The following CHRM5 variants were observed in gnomAD, a reference collection of about 807,000 sequenced individuals.
The protein encoded by CHRM5 is cholinergic receptor muscarinic 5.
A neutral mutation model predicts 39.0 loss-of-function variants in CHRM5; 18 were observed. That is an observed-to-expected ratio of 0.46 (90% CI 0.32 to 0.68). The LOEUF (loss-of-function observed/expected upper bound fraction) is 0.68. Among genes scored for constraint, CHRM5 ranks in the 30% least tolerant of loss-of-function variants. The pLI is 0.04. For missense variants in CHRM5, 515 were observed against 651.1 expected (o/e 0.79, Z 2.28); for synonymous variants, 241 against 246.3 (o/e 0.98, Z 0.20).
intron 2 of CHRM5, among the ~76,000 whole-genome samples, chr15:34,062,115 C>T (rs867508724): frequency 1.3e-5 from 2 of 152,152 alleles, no homozygotes; most frequent in African/African-American, 2.4e-5. Flanking sequence ...CACAAGAGGG[C>T]AGCAGCCTCA....
At chr15:34,042,668 G>T (rs999784077) in intron 1 of CHRM5, among the ~76,000 whole-genome samples, 1 of 151,920 alleles carries the variant, frequency 6.6e-6, no homozygotes, top group Non-Finnish European at 1.5e-5. Flanking sequence ...CTCCCAAAGT[G>T]CTGGGATTAC....
intron 1 of CHRM5, among the ~76,000 whole-genome samples, chr15:33,983,150 G>A (rs145391998): frequency 2.2e-4 from 23 of 104,138 alleles, no homozygotes; most frequent in Non-Finnish European, 3.2e-4. Flanking sequence ...GTGTGTGTGT[G>A]TGTGTGTGTA....
At chr15:34,051,171 T>C (rs556079915) in intron 2 of CHRM5, among the ~76,000 whole-genome samples, 91 of 152,212 alleles carry the variant, frequency 6.0e-4, no homozygotes, top group Non-Finnish European at 1.2e-3. Flanking sequence ...GCAATCAAAT[T>C]AGAACTCAAG....
intron 1 of CHRM5, among the ~76,000 whole-genome samples, 168 bp from the exon 2 acceptor site, chr15:34,046,371 AG>A (rs1351594628): frequency 6.6e-6 from 1 of 151,696 alleles, no homozygotes; most frequent in Non-Finnish European, 1.5e-5. Flanking sequence ...GAAAAAGAGA[AG>A]GCAGAAAATC....
chr15:34,044,303 A>T (rs60757549), intron 1 of CHRM5, among the ~76,000 whole-genome samples: 14,302 of 152,120 alleles, frequency 0.094, 874 homozygotes, highest in East Asian at 0.31. Context: ...TGTGATCTCC[A>T]TGTAACTAAA....
At chr15:33,977,396 A>G (rs1895931085) in intron 1 of CHRM5, among the ~76,000 whole-genome samples, 1 of 152,144 alleles carries the variant, frequency 6.6e-6, no homozygotes, top group Non-Finnish European at 1.5e-5. Flanking sequence ...ATCTCCTCCT[A>G]TACTCCCTTA....
At chr15:34,002,388 G>A (rs888525701) in intron 1 of CHRM5, among the ~76,000 whole-genome samples, 7 of 145,226 alleles carry the variant, frequency 4.8e-5, no homozygotes, top group South Asian at 2.4e-4. Context: ...AAACTCTTAC[G>A]CCACACCTCA....
Position 34,062,765 on chromosome 15 carries a change from A to C in CHRM5, c.48A>C (p.Pro16=). The change falls in exon 3 of 3, where the codon CCA becomes CCC. Residue 16 remains proline (P), a synonymous_variant. Coordinates refer to ENST00000383263, the MANE Select transcript of CHRM5 (RefSeq NM_012125.4). ...ATGCAACCACCGTCAATGGCACCCC[A>C]GTAAATCACCAGCCTTTGGAACGCC... ...YHNATTVNGT[P]VNHQPLERHR... is the part of the protein sequence containing the mutation. 6.2e-7 allele frequency: 1 copy of C among 1,614,040 alleles called. No individual in the cohort carries two copies. Among genetic ancestry groups the C allele is most frequent in the South Asian group, 1.1e-5 (1 of 91,062 alleles).
chr15:34,002,993 C>A, intron 1 of CHRM5: 1 of 1,511,562 alleles, frequency 6.6e-7, no homozygotes, highest in South Asian at 1.3e-5. Context: ...GTGCAACTTT[C>A]AGAGCACTAA....
chr15:34,018,685 G>C (rs1359801051), intron 1 of CHRM5, among the ~76,000 whole-genome samples: 4 of 152,208 alleles, frequency 2.6e-5, no homozygotes, highest in African/African-American at 9.6e-5. Flanking sequence ...CCAGTGGGTT[G>C]CTGCTGCTGG....
At chr15:34,039,599 G>A (rs942497493) in intron 1 of CHRM5, among the ~76,000 whole-genome samples, 4 of 152,166 alleles carry the variant, frequency 2.6e-5, no homozygotes, top group African/African-American at 9.7e-5. Context: ...AGGTGTGGAT[G>A]TAAAGACAAG....
intron 2 of CHRM5, among the ~76,000 whole-genome samples, chr15:34,059,486 C>T (rs1327484500): frequency 6.6e-6 from 1 of 152,180 alleles, no homozygotes; most frequent in Non-Finnish European, 1.5e-5. Flanking sequence ...GATGGGGAGT[C>T]TGGAAATAGC....
chr15:33,990,432 A>G (rs945640872), intron 1 of CHRM5, among the ~76,000 whole-genome samples: 10 of 152,200 alleles, frequency 6.6e-5, no homozygotes, highest in African/African-American at 2.4e-4. Context: ...TTGATGATGC[A>G]GCCAGTTGTC....
intron 1 of CHRM5, among the ~76,000 whole-genome samples, chr15:33,987,344 G>C (rs999102621): frequency 1.3e-5 from 2 of 152,110 alleles, no homozygotes; most frequent in African/African-American, 2.4e-5. Flanking sequence ...ATGCTGGCTT[G>C]CTTTTTATTT....
At chr15:34,032,941 A>G (rs943690075) in intron 1 of CHRM5, among the ~76,000 whole-genome samples, 1 of 152,240 alleles carries the variant, frequency 6.6e-6, no homozygotes, top group African/African-American at 2.4e-5. Flanking sequence ...CACTTGACAG[A>G]TTCTTAAAAT....
intron 2 of CHRM5, among the ~76,000 whole-genome samples, chr15:34,054,538 G>A (rs1900055831): frequency 6.6e-6 from 1 of 152,154 alleles, no homozygotes; most frequent in Admixed American, 6.6e-5. Context: ...GACATAGATG[G>A]AGTTGGAAGC....
intron 1 of CHRM5, among the ~76,000 whole-genome samples, chr15:34,001,108 C>A (rs1261348022): frequency 6.6e-6 from 1 of 151,476 alleles, no homozygotes; most frequent in Non-Finnish European, 1.5e-5. Flanking sequence ...ACAACCCCCA[C>A]CTCCCAGGCT....
intron 1 of CHRM5, among the ~76,000 whole-genome samples, chr15:33,987,719 C>G (rs1896539033): frequency 6.6e-6 from 1 of 152,198 alleles, no homozygotes; most frequent in Non-Finnish European, 1.5e-5. Flanking sequence ...TTTGTTTCAA[C>G]TGCAACAGTG....
rs562492932 is a variant in CHRM5, at chr15:33,969,024, C to T, written c.-534C>T. 6.6e-6 allele frequency: 1 copy of T among 152,106 alleles called. No homozygotes were observed. The highest frequency in any genetic ancestry group is 2.1e-4 in the South Asian group (1 of 4,820). 9.4% of individuals were successfully genotyped at this position (152,106 alleles called of 1,614,324 possible). On this transcript the variant is annotated 5_prime_UTR_variant, in exon 1 of 3. Transcript: ENST00000383263. ...ATTATCAGGAATACAGATATAAAGA[C>T]ACTGCAAGAAATAAAACACTGGCAA...
Sources: allele counts gnomAD v4.1 joint callset (sites outside exome capture counted in the v4.1 genomes callset), GRCh38; gene constraint gnomAD v4.1.1; transcripts MANE v1.5; gene names NCBI Gene and HGNC (gene_info 2026-07-23, HGNC 2026-07-21).